EP300: variants seen among roughly 807,000 people sequenced by gnomAD.
The protein encoded by EP300 is histone acetyltransferase p300.
A neutral mutation model predicts 264.0 loss-of-function variants in EP300; 31 were observed. The ratio of observed to expected loss-of-function variants is 0.12; its 90% CI spans 0.09 to 0.16. The LOEUF (loss-of-function observed/expected upper bound fraction) is 0.16, where lower values mean the gene tolerates loss of function less well. Ranked by LOEUF, EP300 falls within the 10% of genes least tolerant of loss-of-function variation. The pLI, the probability that EP300 is intolerant of heterozygous loss-of-function variation, is 1.00. For missense variants in EP300, 2,766 were observed against 3,052.9 expected (o/e 0.91, Z 2.21); for synonymous variants, 1,340 against 1,045.4 (o/e 1.28, Z -5.44).
At chr22:41,101,196 T>C (rs1358644958) in intron 1 of EP300, among the ~76,000 whole-genome samples, 1 of 152,020 alleles carries the variant, frequency 6.6e-6, no homozygotes, top group Non-Finnish European at 1.5e-5. Context: ...TGCCTCAACC[T>C]CCCAAGTAGC....
At chr22:41,106,797 A>G (rs150441760) in intron 1 of EP300, among the ~76,000 whole-genome samples, 13 of 152,062 alleles carry the variant, frequency 8.5e-5, no homozygotes, top group Admixed American at 2.6e-4. Context: ...GGGTCTTGCT[A>G]TGTTGCTCAG....
chr22:41,117,312 G>T lies in EP300; in HGVS notation c.220G>T (p.Ala74Ser). 6.2e-7 allele frequency: 1 copy of T among 1,614,206 alleles called. No homozygotes were observed. Among genetic ancestry groups the T allele is most frequent in the South Asian group, 1.1e-5 (1 of 91,084 alleles). ...LQTSLGMVQD[A>S]ASKHKQLSEL... ...GACAAGTCTTGGCATGGTACAAGAT[G>T]CAGCTTCTAAACATAAACAGCTGTC... Residue 74 changes from alanine (A) to serine (S), a missense_variant, in exon 2 of 31, where the codon GCA (alanine) becomes TCA (serine). Transcript: ENST00000263253.
rs756993580 is a variant in EP300 at position 41,152,253 on chromosome 22, A to G, written c.3045A>G (p.Arg1015=). 2.5e-6 allele frequency: 4 copies of G among 1,614,046 alleles called. No homozygotes were observed. In the East Asian group the frequency reaches 8.9e-5, roughly 36 times the overall value. ...CKMESTETEE[R]STELKTEIKE... ...TGGAATCTACCGAAACAGAAGAGAG[A>G]AGCACTGAGTTAAAAACTGAAATAA... is the stretch of plus-strand genomic sequence containing the variant. The change falls in exon 16 of 31, where the codon AGA becomes AGG. Residue 1015 remains arginine (R), a synonymous_variant. Coordinates refer to ENST00000263253, the MANE Select transcript of EP300 (RefSeq NM_001429.4).
rs1430526211 is a variant in EP300 at position 41,092,672 on chromosome 22, C to A, written c.-333C>A. 8.0e-6 allele frequency: 5 copies of A among 626,856 alleles called. No individual in the cohort carries two copies. The highest frequency in any genetic ancestry group is 1.4e-5 in the Non-Finnish European group (5 of 347,244). The allele number at this position is 626,856 out of a possible 1,614,324, so 38.8% of individuals were successfully genotyped here. The stretch of plus-strand genomic sequence containing the variant: ...CGAGAGACCTCGGCTGGGCAGGGGC[C>A]GGCCGTGGCGGGCCGGGGACTGCGC... On this transcript the variant is annotated 5_prime_UTR_variant, in exon 1 of 31. Transcript: ENST00000263253.
chr22:41,179,463 TATAA>T lies in EP300; in HGVS notation c.*511_*514del, dbSNP rs1229169144. The T allele has an allele frequency of 8.1e-5, 13 of 161,282 alleles. No individual in the cohort carries two copies. Among genetic ancestry groups the T allele is most frequent in the Non-Finnish European group, 1.6e-4 (12 of 75,520 alleles). The allele number at this position is 161,282 out of a possible 1,614,324, so 10.0% of individuals were successfully genotyped here. On this transcript the variant is annotated 3_prime_UTR_variant, in exon 31 of 31. Transcript: ENST00000263253. ...TACATTCTATATATATATAAATATA[TATAA>T]ATATATATTAAAATACCAGTTTTTT...
intron 1 of EP300, among the ~76,000 whole-genome samples, chr22:41,102,261 G>A (rs910046374): frequency 2.6e-5 from 4 of 152,140 alleles, no homozygotes; most frequent in African/African-American, 9.7e-5. Flanking sequence ...CATTCACGGA[G>A]TCTGGTGTGA....
chr22:41,100,726 A>G (rs949994037), intron 1 of EP300, among the ~76,000 whole-genome samples: 1 of 152,162 alleles, frequency 6.6e-6, no homozygotes, highest in African/African-American at 2.4e-5. Flanking sequence ...TGTAGGTTAT[A>G]TGCAAATACT....
At chr22:41,129,264 G>GC (rs911147713) in intron 4 of EP300, among the ~76,000 whole-genome samples, 1 of 152,106 alleles carries the variant, frequency 6.6e-6, no homozygotes, top group Non-Finnish European at 1.5e-5. Flanking sequence ...GCCCGCCTCG[G>GC]CCTCCCAAAG....
chr22:41,174,822 T>A (rs906823576), intron 29 of EP300: 2 of 152,134 alleles, frequency 1.3e-5, no homozygotes, highest in African/African-American at 4.8e-5. Context: ...GGTTAAACAG[T>A]CTCTTTGGGA....
At chr22:41,131,714 TTTA>T (rs2058920885) in intron 6 of EP300, 81 bp downstream of exon 6, 2 of 1,597,090 alleles carry the variant, frequency 1.3e-6, no homozygotes, top group Admixed American at 1.7e-5. Context: ...TTAGCTCCTT[TTTA>T]TTTTTTCTGC....
chr22:41,122,135 G>A (rs2058855459), intron 2 of EP300, among the ~76,000 whole-genome samples: 1 of 99,656 alleles, frequency 1.0e-5, no homozygotes, highest in South Asian at 4.3e-4. Context: ...GAATCAAGAA[G>A]GTTTTTTTCT....
In EP300 at chr22:41,178,620, C is replaced by T. The variant is rs146712254; in HGVS notation, c.6909C>T (p.Leu2303=). The T allele has an allele frequency of 1.2e-5, 20 of 1,614,008 alleles. No individual in the cohort carries two copies. The highest frequency in any genetic ancestry group is 1.7e-5 in the Admixed American group (1 of 59,988). Residue 2303 remains leucine, a synonymous_variant, in exon 31 of 31, where the codon CTC becomes CTT. Coordinates refer to ENST00000263253, the MANE Select transcript of EP300 (RefSeq NM_001429.4). ...HLQGQQIPNS[L]SNQVRSPQPV... is the part of the protein sequence containing the mutation. ...AAGGCCAGCAGATCCCTAATTCTCT[C>T]TCCAATCAAGTGCGCTCTCCCCAGC...
chr22:41,099,655 A>G (rs192414560), intron 1 of EP300, among the ~76,000 whole-genome samples: 106 of 152,274 alleles, frequency 7.0e-4, no homozygotes, highest in Non-Finnish European at 1.2e-3. Flanking sequence ...TTATTAAGTC[A>G]AGAACTTTCA....
At chr22:41,107,557 G>A (rs1053958518) in intron 1 of EP300, among the ~76,000 whole-genome samples, 2 of 152,080 alleles carry the variant, frequency 1.3e-5, no homozygotes, top group Non-Finnish European at 2.9e-5. Flanking sequence ...TATGTTCATA[G>A]TACAGTGTTT....
chr22:41,141,155 A>T lies in EP300; in HGVS notation c.1986A>T (p.Ala662=), dbSNP rs1215791383. 6.2e-7 allele frequency: 1 copy of T among 1,614,108 alleles called. No homozygotes were observed. The highest frequency in any genetic ancestry group is 8.5e-7 in the Non-Finnish European group (1 of 1,180,042). ...AGCAGAACATGCTACCAAATGCTGC[A>T]GGCATGGTTCCAGTTTCCATGAATC... ...LQKQNMLPNA[A]GMVPVSMNPG... The change falls in exon 10 of 31, where the codon GCA becomes GCT. Residue 662 remains alanine, a synonymous_variant. Transcript: ENST00000263253.
At chr22:41,124,868 C>T (rs2058871861) in intron 2 of EP300, among the ~76,000 whole-genome samples, 1 of 152,090 alleles carries the variant, frequency 6.6e-6, no homozygotes, top group African/African-American at 2.4e-5. Context: ...TACCCAAGGC[C>T]CCTAAATCTT....
intron 2 of EP300, among the ~76,000 whole-genome samples, 185 bp downstream of exon 2, chr22:41,118,006 A>G (rs372537830): frequency 3.3e-5 from 5 of 152,354 alleles, no homozygotes; most frequent in African/African-American, 2.4e-5. Context: ...CTGGTATTCT[A>G]TAACTTCATA....
chr22:41,124,587 G>A (rs539895843), intron 2 of EP300, among the ~76,000 whole-genome samples: 60 of 151,920 alleles, frequency 3.9e-4, no homozygotes, highest in Non-Finnish European at 5.9e-4. Context: ...GCTAGAGCCC[G>A]GGAATTTGAG....
chr22:41,179,021 A>G lies in EP300; in HGVS notation c.*65A>G. The G allele has an allele frequency of 6.3e-7, 1 of 1,591,026 alleles. No homozygotes were observed. The highest frequency in any genetic ancestry group is 1.1e-5 in the South Asian group (1 of 90,164). ...CTCTTAACAAGACTTTTTGTACTGA[A>G]AACAATTTTTTTGAATCTTTCGTAG... On this transcript the variant is annotated 3_prime_UTR_variant, in exon 31 of 31. Transcript: ENST00000263253.
Sources: gnomAD v4.1 joint callset for allele counts (sites outside exome capture counted in the v4.1 genomes callset) on GRCh38, gnomAD v4.1.1 for gene constraint, MANE v1.5 for transcripts, NCBI Gene and HGNC (gene_info 2026-07-23, HGNC 2026-07-21) for gene names.